DOCK3: variants seen among roughly 807,000 people sequenced by gnomAD.
DOCK3 encodes the protein dedicator of cytokinesis 3.
Under a neutral mutation model 265.6 loss-of-function variants are expected in DOCK3, and 60 were observed. The observed-to-expected ratio is 0.23, with a 90% confidence interval of 0.18 to 0.28. DOCK3 has a LOEUF of 0.28. Among genes scored for constraint, DOCK3 ranks in the 10% least tolerant of loss-of-function variants. The probability of loss-of-function intolerance (pLI) is 1.00; values close to 1 mark genes in which losing one functional copy is unlikely to be tolerated. For synonymous variants in DOCK3, 881 were observed against 938.0 expected (o/e 0.94, Z 1.11); for missense variants, 1,981 against 2,594.3 (o/e 0.76, Z 5.14).
At chr3:51,244,652 A>T (rs1293242027) in intron 21 of DOCK3, among the ~76,000 whole-genome samples, 1 of 152,114 alleles carries the variant, frequency 6.6e-6, no homozygotes, top group African/African-American at 2.4e-5. Context: ...CTTCCTTTTC[A>T]ATTTGAATGT....
chr3:50,832,841 G>C (rs2045272158), intron 2 of DOCK3, among the ~76,000 whole-genome samples: 1 of 152,156 alleles, frequency 6.6e-6, no homozygotes, highest in Non-Finnish European at 1.5e-5. Context: ...AGGTTTGAGA[G>C]GAGCTCAGTC....
At chr3:50,750,003 C>T (rs891475508) in intron 1 of DOCK3, among the ~76,000 whole-genome samples, 13 of 152,126 alleles carry the variant, frequency 8.5e-5, no homozygotes, top group Admixed American at 5.9e-4. Flanking sequence ...TGTTAGGAAC[C>T]GGGCCTCACT....
At chr3:51,131,356 C>G (rs1473063811) in intron 9 of DOCK3, among the ~76,000 whole-genome samples, 1 of 152,158 alleles carries the variant, frequency 6.6e-6, no homozygotes, top group African/African-American at 2.4e-5. Context: ...CTCATCATTT[C>G]TCTTTCCCCA....
At chr3:51,294,780 G>GTC (rs1208095317) in intron 27 of DOCK3, among the ~76,000 whole-genome samples, 124 of 152,156 alleles carry the variant, frequency 8.1e-4, no homozygotes, top group African/African-American at 2.8e-3. Context: ...AGAGAAAGGG[G>GTC]AGACATTGGT....
rs753354870 is a variant in DOCK3, at chr3:51,160,627, T to TC, written c.964dup (p.Leu322ProfsTer22). The TC allele has an allele frequency of 6.2e-7, 1 of 1,613,168 alleles. No homozygotes were observed. The highest frequency in any genetic ancestry group is 8.5e-7 in the Non-Finnish European group (1 of 1,179,506). Reference sequence around the variant, plus strand: ...TACAGGCGACCATATGGCTGTGCGGTCCTAAGCATCTTGGATGTCCTACAG... The same window carrying TC: ...TACAGGCGACCATATGGCTGTGCGGTCCCTAAGCATCTTGGATGTCCTACAG... On this transcript the variant is annotated frameshift_variant, in exon 12 of 53. Coordinates refer to ENST00000266037, the MANE Select transcript of DOCK3 (RefSeq NM_004947.5). LOFTEE classifies it high-confidence loss of function.
At chr3:50,767,105 A>G in intron 1 of DOCK3, among the ~76,000 whole-genome samples, 1 of 152,176 alleles carries the variant, frequency 6.6e-6, no homozygotes, top group Non-Finnish European at 1.5e-5. Context: ...TTTGCTGTGC[A>G]GAAGCTCTTT....
chr3:51,312,776 T>C (rs2083157800), intron 30 of DOCK3, 68 bp from the exon 31 acceptor site: 7 of 1,506,770 alleles, frequency 4.6e-6, no homozygotes, highest in Non-Finnish European at 6.4e-6. Flanking sequence ...CCTGGCCTCA[T>C]GGGTTTGCAG....
At chr3:51,343,799 G>T (rs923124145) in intron 38 of DOCK3, among the ~76,000 whole-genome samples, 2 of 152,112 alleles carry the variant, frequency 1.3e-5, no homozygotes, top group Non-Finnish European at 2.9e-5. Context: ...TATGTCCTGG[G>T]TACCCAAGAG....
At chr3:51,098,824 C>T (rs1331488162) in intron 9 of DOCK3, among the ~76,000 whole-genome samples, 1 of 152,210 alleles carries the variant, frequency 6.6e-6, no homozygotes, top group Non-Finnish European at 1.5e-5. Context: ...GGTACCTTGT[C>T]TCTGGTAACT....
At position 51,312,671 on chromosome 3, in the gene DOCK3, C is replaced by G. The variant is rs1393503223; in HGVS notation, c.3194+95C>G. 20 of 1,333,796 alleles carry G rather than the reference C, an allele frequency of 1.5e-5. No homozygotes were observed. The East Asian group carries it at 2.6e-4, about 17-fold the overall frequency. The allele number at this position is 1,333,796 out of a possible 1,614,324, so 82.6% of individuals were successfully genotyped here. A position where few individuals can be genotyped will look rare whatever the true frequency, so the allele number is the denominator to read the frequency against. ...TTTCAGAGGTCCACAAGGTTCTCAG[C>G]TGGGTGGTTTCCCAGGGGCCCAAGT... On this transcript the variant is annotated intron_variant, in intron 30 of 52. Coordinates refer to ENST00000266037, the MANE Select transcript of DOCK3 (RefSeq NM_004947.5).
intron 5 of DOCK3, among the ~76,000 whole-genome samples, chr3:50,988,920 G>A (rs927326960): frequency 6.6e-6 from 1 of 152,104 alleles, no homozygotes; most frequent in Admixed American, 6.5e-5. Context: ...GAGCCTCCAG[G>A]GGCAACAGAA....
intron 4 of DOCK3, among the ~76,000 whole-genome samples, chr3:50,915,186 T>A (rs910229476): frequency 4.6e-5 from 7 of 152,000 alleles, no homozygotes; most frequent in Non-Finnish European, 8.8e-5. Context: ...GGTTTGGGCC[T>A]AGGAGCAGGA....
intron 1 of DOCK3, among the ~76,000 whole-genome samples, chr3:50,680,075 C>T (rs554795279): frequency 3.3e-5 from 5 of 152,198 alleles, no homozygotes; most frequent in East Asian, 1.9e-4. Context: ...ATTATTACAC[C>T]GTGTCCTCTG....
At chr3:50,981,084 A>G (rs2077672472) in intron 5 of DOCK3, among the ~76,000 whole-genome samples, 1 of 152,126 alleles carries the variant, frequency 6.6e-6, no homozygotes, top group African/African-American at 2.4e-5. Context: ...TGTAGTAGGC[A>G]TTTATTGCTA....
intron 9 of DOCK3, among the ~76,000 whole-genome samples, chr3:51,122,469 A>T (rs1052829684): frequency 6.6e-6 from 1 of 152,218 alleles, no homozygotes; most frequent in African/African-American, 2.4e-5. Context: ...AGATAGAGAA[A>T]GAAAGGAAAA....
At chr3:50,920,281 T>G (rs1447300804) in intron 4 of DOCK3, among the ~76,000 whole-genome samples, 2 of 152,156 alleles carry the variant, frequency 1.3e-5, no homozygotes, top group Non-Finnish European at 2.9e-5. Context: ...TTAGAGAGGA[T>G]TCCATCTTTT....
At chr3:50,741,916 C>G (rs547288006) in intron 1 of DOCK3, among the ~76,000 whole-genome samples, 3 of 152,282 alleles carry the variant, frequency 2.0e-5, no homozygotes, top group African/African-American at 7.2e-5. Context: ...TCCTATTTCT[C>G]CACATCCTCT....
chr3:51,062,537 C>A (rs892762953), intron 5 of DOCK3, among the ~76,000 whole-genome samples: 2 of 152,194 alleles, frequency 1.3e-5, no homozygotes, highest in African/African-American at 4.8e-5. Flanking sequence ...CCCCAGCCAG[C>A]CTACCCTTGG....
At chr3:50,915,707 G>A (rs756237062) in intron 4 of DOCK3, among the ~76,000 whole-genome samples, 4 of 152,014 alleles carry the variant, frequency 2.6e-5, no homozygotes, top group Non-Finnish European at 5.9e-5. Context: ...ATGCAGGGAG[G>A]TGCTTCAGCT....
Sources: gnomAD v4.1 joint callset for allele counts (sites outside exome capture counted in the v4.1 genomes callset) on GRCh38, gnomAD v4.1.1 for gene constraint, MANE v1.5 for transcripts, NCBI Gene and HGNC (gene_info 2026-07-23, HGNC 2026-07-21) for gene names.